The following ARHGAP27 variants were observed in gnomAD, a reference collection of about 807,000 sequenced individuals.
ARHGAP27 encodes rho GTPase-activating protein 27.
Under a neutral mutation model 102.0 loss-of-function variants are expected in ARHGAP27, and 53 were observed. That is an observed-to-expected ratio of 0.52 (90% CI 0.42 to 0.65). The LOEUF (loss-of-function observed/expected upper bound fraction) is 0.65. Ranked by LOEUF, ARHGAP27 falls within the 30% of genes least tolerant of loss-of-function variation. ARHGAP27 has a pLI of 0.00. For synonymous variants in ARHGAP27, 525 were observed against 542.8 expected (o/e 0.97, Z 0.46); for missense variants, 1,117 against 1,256.2 (o/e 0.89, Z 1.68).
In ARHGAP27 at chr17:45,396,729, G is replaced by A. The variant is rs1416598252; in HGVS notation, c.2013C>T (p.Leu671=). Residue 671 remains leucine, a synonymous_variant, in exon 15 of 20, where the codon CTC becomes CTT. Transcript: ENST00000685559. The part of the protein sequence containing the change: ...ESDLSKVRHK[L]RKFLQRRPTL... ...TGGGCCGCCTCTGGAGGAACTTGCGGAGCTTGTGCCGGACCTTGCTCAAGT... is the reference window on the plus strand; with the variant it reads ...TGGGCCGCCTCTGGAGGAACTTGCGAAGCTTGTGCCGGACCTTGCTCAAGT... 6.2e-7 allele frequency: 1 copy of A among 1,613,866 alleles called. No homozygotes were observed. Among genetic ancestry groups the A allele is most frequent in the East Asian group, 2.2e-5 (1 of 44,866 alleles).
rs1486557052 is a variant in ARHGAP27 at position 45,394,611 on chromosome 17, T to G, written c.*845A>C. On this transcript the variant is annotated 3_prime_UTR_variant, in exon 20 of 20. Transcript: ENST00000685559. ...TTGGATGGGTGGTAGCTGAAAGAAC[T>G]GATTTTCCCCCTACCCAGGCTGTAC... The G allele has an allele frequency of 1.3e-5, 2 of 152,294 alleles. No homozygotes were observed. Among genetic ancestry groups the G allele is most frequent in the Non-Finnish European group, 2.9e-5 (2 of 68,090 alleles). 9.4% of individuals were successfully genotyped at this position (152,294 alleles called of 1,614,324 possible).
At chr17:45,400,031 T>C (rs1479057298) in intron 12 of ARHGAP27, among the ~76,000 whole-genome samples, 1 of 152,058 alleles carries the variant, frequency 6.6e-6, no homozygotes, top group Non-Finnish European at 1.5e-5. Flanking sequence ...GACATGCTAG[T>C]GTGCACCTGT....
intron 4 of ARHGAP27, chr17:45,410,462 T>TTG: frequency 1.7e-6 from 2 of 1,167,418 alleles, no homozygotes; most frequent in Non-Finnish European, 2.2e-6. Context: ...CTGCCTGAGT[T>TTG]GGGGCGGGTG....
In ARHGAP27 at chr17:45,404,251, G is replaced by T. The variant is rs1459034904; in HGVS notation, c.1479+18C>A. 3.7e-6 allele frequency: 6 copies of T among 1,613,530 alleles called. No homozygotes were observed. In the Admixed American group the frequency reaches 8.3e-5, roughly 22 times the overall value. On this transcript the variant is annotated intron_variant, in intron 9 of 19. Coordinates refer to ENST00000685559, the MANE Select transcript of ARHGAP27 (RefSeq NM_001282290.2). Reference sequence around the variant, plus strand: ...CGCCAGCACCACCACCTGGCTGGGGGTAGGGGGTGATGCCTACCCTCACAG... The same window carrying T: ...CGCCAGCACCACCACCTGGCTGGGGTTAGGGGGTGATGCCTACCCTCACAG...
intron 4 of ARHGAP27, among the ~76,000 whole-genome samples, chr17:45,418,086 C>CTT (rs35989894): frequency 1.4e-5 from 2 of 143,366 alleles, no homozygotes; most frequent in Admixed American, 7.0e-5. Flanking sequence ...TGGACATTTT[C>CTT]TTTTTTTTTC....
Position 45,404,581 on chromosome 17 carries a change from C to A in ARHGAP27, c.1329+20G>T, listed in dbSNP as rs549506562. 4 of 1,613,840 alleles carry A rather than the reference C, an allele frequency of 2.5e-6. No individual in the cohort carries two copies. The highest frequency in any genetic ancestry group is 3.3e-4 in the Middle Eastern group (2 of 6,082). ...ATCTCTTCCTCTCTCCCCAACACCC[C>A]CCTTTCCCCAGGTTGTTACCTGGGG... On this transcript the variant is annotated intron_variant, in intron 7 of 19. Transcript: ENST00000685559.
intron 4 of ARHGAP27, among the ~76,000 whole-genome samples, chr17:45,412,962 CTTTTTTTTTTTTTTTTTTTTTTTTTT>C (rs36233058): frequency 1.2e-4 from 5 of 41,142 alleles, no homozygotes; most frequent in African/African-American, 4.9e-4. Context: ...TCAGTATAAT[CTTTTTTTTTTTTTTTTTTTTTTTTTT>C]TTTTTTTTTT....
intron 12 of ARHGAP27, among the ~76,000 whole-genome samples, chr17:45,402,060 C>T (rs2046501265): frequency 6.6e-6 from 1 of 152,204 alleles, no homozygotes; most frequent in African/African-American, 2.4e-5. Context: ...TGGGAGTACC[C>T]TTTCTGGGTC....
intron 4 of ARHGAP27, chr17:45,410,545 T>A: frequency 1.3e-6 from 1 of 769,514 alleles, no homozygotes; most frequent in Non-Finnish European, 1.9e-6. Context: ...CTCAGTGCTC[T>A]AATGACCAGT....
intron 4 of ARHGAP27, among the ~76,000 whole-genome samples, chr17:45,422,002 C>A (rs2049076986): frequency 6.6e-6 from 1 of 151,990 alleles, no homozygotes; most frequent in Admixed American, 6.6e-5. Flanking sequence ...CCTATCTCTA[C>A]TAAAAATACA....
chr17:45,429,869 G>A lies in ARHGAP27; in HGVS notation c.411C>T (p.Pro137=), dbSNP rs924139411. 5 of 1,313,144 alleles carry A rather than the reference G, an allele frequency of 3.8e-6. No individual in the cohort carries two copies. The highest frequency in any genetic ancestry group is 4.8e-6 in the Non-Finnish European group (5 of 1,036,124). The allele number at this position is 1,313,144 out of a possible 1,614,324, so 81.3% of individuals were successfully genotyped here. The change falls in exon 4 of 20, where the codon CCC becomes CCT. Residue 137 remains proline, a synonymous_variant. Transcript: ENST00000685559. ...GAATQRSSLA[P]GLPACLYLRP... Reference sequence around the variant, plus strand: ...GCAGGTACAGGCAGGCTGGCAGGCCGGGCGCCAGGCTGCTGCGCTGGGTCG... The same window carrying A: ...GCAGGTACAGGCAGGCTGGCAGGCCAGGCGCCAGGCTGCTGCGCTGGGTCG...
intron 16 of ARHGAP27, 26 bp downstream of exon 16, chr17:45,396,461 C>T (rs751310963): frequency 2.1e-5 from 32 of 1,505,760 alleles, no homozygotes; most frequent in African/African-American, 2.8e-5. Context: ...CAATGCCTGC[C>T]GCCCTCACCC....
At chr17:45,422,225 G>GA (rs1203021605) in intron 4 of ARHGAP27, among the ~76,000 whole-genome samples, 2 of 150,058 alleles carry the variant, frequency 1.3e-5, no homozygotes, top group Non-Finnish European at 3.0e-5. Flanking sequence ...GCAACACGAA[G>GA]AAACCCCATC....
intron 13 of ARHGAP27, 156 bp from the exon 14 acceptor site, chr17:45,397,180 CT>C: frequency 6.9e-7 from 1 of 1,440,336 alleles, no homozygotes; most frequent in East Asian, 2.5e-5. Context: ...CTCTCCTTAC[CT>C]CCACCAGTGA....
Position 45,404,072 on chromosome 17 carries a change from C to A in ARHGAP27, c.1504G>T (p.Val502Leu), listed in dbSNP as rs1442550849. 5 of 1,614,038 alleles carry A rather than the reference C, an allele frequency of 3.1e-6. No individual in the cohort carries two copies. Among genetic ancestry groups the A allele is most frequent in the African/African-American group, 1.3e-5 (1 of 74,910 alleles). Residue 502 changes from valine to leucine, a missense_variant, in exon 10 of 20, where the codon GTG becomes TTG. By Grantham distance (32) the Val-to-Leu change is conservative. Around this residue, in one of 3 missense-constraint regions of ARHGAP27, gnomAD observed 610 missense variants for 716.4 expected, o/e 0.85. Coordinates refer to ENST00000685559, the MANE Select transcript of ARHGAP27 (RefSeq NM_001282290.2). ...VRTKTLDKAG[V>L]LHRTKTADKG... ...TCTGCCGTCTTGGTGCGATGGAGCACCCCTGCCTTGTCCAAGGTCTTGGTC... is the reference window on the plus strand; with the variant it reads ...TCTGCCGTCTTGGTGCGATGGAGCAACCCTGCCTTGTCCAAGGTCTTGGTC...
chr17:45,409,739 TCA>T (rs1364848562), intron 4 of ARHGAP27: 1 of 158,510 alleles, frequency 6.3e-6, no homozygotes, highest in African/African-American at 2.4e-5. Flanking sequence ...CCAGGTGCAG[TCA>T]CGCCCTCCAC....
intron 13 of ARHGAP27, chr17:45,397,239 A>T (rs2045863012): frequency 7.1e-7 from 1 of 1,417,734 alleles, no homozygotes; most frequent in African/African-American, 1.4e-5. Context: ...CTTAAGGTGC[A>T]GAGACAGTCA....
intron 4 of ARHGAP27, among the ~76,000 whole-genome samples, chr17:45,407,126 A>T (rs1414491060): frequency 6.6e-6 from 1 of 152,146 alleles, no homozygotes; most frequent in Non-Finnish European, 1.5e-5. Context: ...CAGGCACAAG[A>T]GACCGTCCCT....
At position 45,396,487 on chromosome 17, in the gene ARHGAP27, C is replaced by A; in HGVS notation, c.2173G>T (p.Gly725Trp). 6.5e-7 allele frequency: 1 copy of A among 1,535,828 alleles called. No individual in the cohort carries two copies. The highest frequency in any genetic ancestry group is 8.7e-7 in the Non-Finnish European group (1 of 1,146,140). The stretch of plus-strand genomic sequence containing the variant: ...GCCCTCACCCCCGCAGCGCACGTAC[C>A]GCGGGCCTCGACGGCGCGGATGCAC... ...QQCIRAVEARGLDIDGLYRIS... is the reference protein window; with the variant it reads ...QQCIRAVEARWLDIDGLYRIS... Residue 725 changes from glycine to tryptophan, a missense_variant and splice_region_variant, in exon 16 of 20, where the codon GGG becomes TGG. Gly to Trp is a radical substitution (Grantham distance 184). Coordinates refer to ENST00000685559, the MANE Select transcript of ARHGAP27 (RefSeq NM_001282290.2).
Sources: gnomAD v4.1 joint callset for allele counts (sites outside exome capture counted in the v4.1 genomes callset) on GRCh38, gnomAD v4.1.1 for gene constraint, gnomAD v4.1.1 regional missense constraint, MANE v1.5 for transcripts, NCBI Gene and HGNC (gene_info 2026-07-23, HGNC 2026-07-21) for gene names.